CSE1L: variants seen among roughly 807,000 people sequenced by gnomAD.
CSE1L encodes the protein exportin-2.
CSE1L carries 24 observed loss-of-function variants against 120.4 expected under a neutral mutation model. The observed-to-expected ratio is 0.20, with a 90% CI of 0.14 to 0.28. The LOEUF (loss-of-function observed/expected upper bound fraction) is 0.28. CSE1L is among the 10% of genes least tolerant of loss of function. CSE1L has a pLI of 1.00. For synonymous variants in CSE1L, 402 were observed against 398.3 expected (o/e 1.01, Z -0.11); for missense variants, 830 against 1,145.2 (o/e 0.72, Z 3.97).
chr20:49,071,484 T>C, intron 8 of CSE1L, among the ~76,000 whole-genome samples: 1 of 152,214 alleles, frequency 6.6e-6, no homozygotes, highest in East Asian at 1.9e-4. Context: ...GCTTTGGTTT[T>C]TGTTCTTACT....
At chr20:49,060,851 T>C (rs909132407) in intron 2 of CSE1L, among the ~76,000 whole-genome samples, 4 of 152,166 alleles carry the variant, frequency 2.6e-5, no homozygotes, top group Admixed American at 2.0e-4. Flanking sequence ...CAGTCAGTTA[T>C]TGATCCTTGA....
chr20:49,055,469 T>C (rs2091799160), intron 1 of CSE1L, among the ~76,000 whole-genome samples: 1 of 152,066 alleles, frequency 6.6e-6, no homozygotes, highest in African/African-American at 2.4e-5. Flanking sequence ...GTAATCCCAG[T>C]GTTTTGGGAT....
chr20:49,073,092 A>G (rs1357223021), intron 10 of CSE1L, among the ~76,000 whole-genome samples: 3 of 152,076 alleles, frequency 2.0e-5, no homozygotes, highest in Non-Finnish European at 4.4e-5. Flanking sequence ...GCTCACTGCA[A>G]CCTTAGCCTC....
intron 16 of CSE1L, among the ~76,000 whole-genome samples, chr20:49,085,616 G>C (rs1380600835): frequency 3.5e-5 from 4 of 115,506 alleles, no homozygotes; most frequent in Admixed American, 1.2e-4. Flanking sequence ...CTGTTGCCCA[G>C]GCTGAAGTGC....
chr20:49,064,509 A>G (rs1191090113), intron 3 of CSE1L, among the ~76,000 whole-genome samples: 1 of 152,186 alleles, frequency 6.6e-6, no homozygotes, highest in African/African-American at 2.4e-5. Flanking sequence ...CAGCAATTCA[A>G]GACCAGCTTG....
At chr20:49,083,959 T>G in intron 14 of CSE1L, 67 bp from the exon 15 acceptor site, 1 of 1,485,780 alleles carries the variant, frequency 6.7e-7, no homozygotes, top group South Asian at 1.2e-5. Flanking sequence ...GTCCTTCTCT[T>G]CCAATTGTCT....
At chr20:49,055,278 T>A (rs1053558163) in intron 1 of CSE1L, among the ~76,000 whole-genome samples, 15 of 152,242 alleles carry the variant, frequency 9.9e-5, no homozygotes, top group African/African-American at 3.6e-4. Context: ...AACAAACTTT[T>A]AAGTTTTTTT....
chr20:49,072,134 A>G (rs1275171609), intron 8 of CSE1L, 152 bp from the exon 9 acceptor site: 2 of 751,482 alleles, frequency 2.7e-6, no homozygotes, highest in Admixed American at 5.8e-5. Flanking sequence ...AGACTTGGTG[A>G]AAAGATTGGT....
At position 49,068,652 on chromosome 20, in the gene CSE1L, C is replaced by G. The variant is rs115720522; in HGVS notation, c.568-63C>G. On this transcript the variant is annotated intron_variant, in intron 6 of 24. Transcript: ENST00000262982. ...GTCTCAGCTTAGTGCAAGGCTGTTT[C>G]ACTAAGATCAGCATGCTGGGTTTAT... is the stretch of plus-strand genomic sequence containing the variant. 1,353 of 1,056,260 alleles carry G rather than the reference C, an allele frequency of 1.3e-3. 13 individuals are homozygous for G. In the African/African-American group the frequency reaches 0.018, roughly 14 times the overall value. 65.4% of individuals were successfully genotyped at this position (1,056,260 alleles called of 1,614,324 possible).
rs1408761142 is a variant in CSE1L at position 49,092,094 on chromosome 20, C to T, written c.2414C>T (p.Ala805Val). Residue 805 changes from alanine (A) to valine (V), a missense_variant, in exon 22 of 25, where the codon GCA (alanine) becomes GTA (valine). Transcript: ENST00000262982. ...NLYCIKYGAL[A>V]LQEIFDGIQP... ...TATTGCATAAAATATGGGGCACTAG[C>T]ACTACAAGAAATATTTGATGGTATA... The T allele has an allele frequency of 6.3e-7, 1 of 1,576,354 alleles. No individual in the cohort carries two copies. Among genetic ancestry groups the T allele is most frequent in the Non-Finnish European group, 8.7e-7 (1 of 1,153,856 alleles).
At chr20:49,048,501 G>A (rs2091739978) in intron 1 of CSE1L, among the ~76,000 whole-genome samples, 1 of 152,178 alleles carries the variant, frequency 6.6e-6, no homozygotes, top group Non-Finnish European at 1.5e-5. Context: ...ACAGAATTAT[G>A]TGACAGGTGA....
chr20:49,080,244 T>C (rs535063897), intron 14 of CSE1L, among the ~76,000 whole-genome samples: 2 of 151,586 alleles, frequency 1.3e-5, no homozygotes, highest in East Asian at 3.9e-4. Context: ...CAATATCTGG[T>C]TGTTTTGTTT....
At chr20:49,088,167 T>G in intron 17 of CSE1L, 61 bp downstream of exon 17, 1 of 1,133,836 alleles carries the variant, frequency 8.8e-7, no homozygotes, top group Non-Finnish European at 1.3e-6. Flanking sequence ...TGTTTGGGCC[T>G]CAGAACTCTT....
chr20:49,049,355 TA>T (rs200150764), intron 1 of CSE1L, among the ~76,000 whole-genome samples: 2 of 151,840 alleles, frequency 1.3e-5, no homozygotes, highest in African/African-American at 2.4e-5. Flanking sequence ...AACTAATTTT[TA>T]TTTTTTTTTT....
intron 3 of CSE1L, among the ~76,000 whole-genome samples, chr20:49,065,100 A>C (rs1405900274): frequency 6.6e-6 from 1 of 150,952 alleles, no homozygotes; most frequent in Non-Finnish European, 1.5e-5. Flanking sequence ...TGAAGGCTGC[A>C]GTGAGCCAAG....
intron 22 of CSE1L, among the ~76,000 whole-genome samples, chr20:49,093,564 C>CTTTT (rs11477256): frequency 6.8e-5 from 8 of 117,582 alleles, no homozygotes; most frequent in Non-Finnish European, 1.2e-4. Flanking sequence ...GCTCCTCTCT[C>CTTTT]TTTTTTTTTT....
intron 3 of CSE1L, among the ~76,000 whole-genome samples, chr20:49,063,782 C>T (rs939703551): frequency 6.6e-6 from 1 of 152,230 alleles, no homozygotes; most frequent in Admixed American, 6.5e-5. Flanking sequence ...GAAGTGATTT[C>T]TGATGTTGGA....
intron 14 of CSE1L, among the ~76,000 whole-genome samples, chr20:49,080,252 T>A (rs371771621): frequency 1.3e-5 from 2 of 149,572 alleles, no homozygotes; most frequent in Non-Finnish European, 3.0e-5. Flanking sequence ...GGTTGTTTTG[T>A]TTTTTTTTAT....
At chr20:49,086,619 C>G (rs1290773396) in intron 16 of CSE1L, among the ~76,000 whole-genome samples, 1 of 152,090 alleles carries the variant, frequency 6.6e-6, no homozygotes, top group African/African-American at 2.4e-5. Context: ...CCCGCCTCAG[C>G]CTCCCAAAGT....
Sources: allele counts gnomAD v4.1 joint callset (sites outside exome capture counted in the v4.1 genomes callset), GRCh38; gene constraint gnomAD v4.1.1; transcripts MANE v1.5; gene names NCBI Gene and HGNC (gene_info 2026-07-23, HGNC 2026-07-21).